The following KALRN variants were observed in gnomAD, a reference collection of about 807,000 sequenced individuals.
The protein encoded by KALRN is kalirin.
In KALRN, 70 loss-of-function variants were observed where a neutral mutation model predicts 353.7. That is an observed-to-expected ratio of 0.20 (90% CI 0.16 to 0.24). The LOEUF (loss-of-function observed/expected upper bound fraction) is 0.24. KALRN is among the 10% of genes least tolerant of loss of function. KALRN has a pLI of 1.00. For synonymous variants in KALRN, 1,391 were observed against 1,434.8 expected (o/e 0.97, Z 0.69); for missense variants, 2,791 against 3,756.7 (o/e 0.74, Z 6.72).
At chr3:124,196,910 T>G (rs2075492266) in intron 1 of KALRN, among the ~76,000 whole-genome samples, 1 of 133,052 alleles carries the variant, frequency 7.5e-6, no homozygotes, top group African/African-American at 2.5e-5. Flanking sequence ...GCTATCATTA[T>G]GCTCATTTAC....
rs2063364302 is a variant in KALRN at position 124,722,068 on chromosome 3, G to A, written c.*2598G>A. On this transcript the variant is annotated 3_prime_UTR_variant, in exon 60 of 60. Coordinates refer to ENST00000682506, the MANE Select transcript of KALRN (RefSeq NM_001388419.1). ...CTTGGCAAGTTCTGTTCTGTCCACT[G>A]TGGATGACCTGAATCAAGATCCCCC... 6.6e-6 allele frequency: 1 copy of A among 152,386 alleles called. No homozygotes were observed. The highest frequency in any genetic ancestry group is 2.1e-4 in the South Asian group (1 of 4,836). 9.4% of individuals were successfully genotyped at this position (152,386 alleles called of 1,614,324 possible). A position where few individuals can be genotyped will look rare whatever the true frequency, so the allele number is the denominator to read the frequency against.
At chr3:124,368,466 C>T (rs1272779850) in intron 10 of KALRN, among the ~76,000 whole-genome samples, 3 of 148,882 alleles carry the variant, frequency 2.0e-5, no homozygotes, top group Non-Finnish European at 4.5e-5. Context: ...AGACGATGGG[C>T]GGCCGGGCAG....
chr3:124,503,225 C>G (rs1332370482), intron 33 of KALRN, among the ~76,000 whole-genome samples: 1 of 152,176 alleles, frequency 6.6e-6, no homozygotes, highest in Non-Finnish European at 1.5e-5. Flanking sequence ...TATATAATTG[C>G]ACTTCCTGTT....
At chr3:124,058,396 C>T (rs2041735348) in intron 1 of KALRN, among the ~76,000 whole-genome samples, 1 of 152,106 alleles carries the variant, frequency 6.6e-6, no homozygotes, top group South Asian at 2.1e-4. Context: ...GGGATGAGTT[C>T]ACTCATTTTG....
At chr3:124,710,230 CTG>C (rs1223245354) in intron 57 of KALRN, among the ~76,000 whole-genome samples, 1 of 152,174 alleles carries the variant, frequency 6.6e-6, no homozygotes. Context: ...AGAGGCTCAA[CTG>C]TGAATAGCAT....
At chr3:124,100,048 C>T (rs2061736365) in intron 1 of KALRN, among the ~76,000 whole-genome samples, 1 of 152,102 alleles carries the variant, frequency 6.6e-6, no homozygotes, top group Non-Finnish European at 1.5e-5. Context: ...CCTGTAATCC[C>T]AGCTACTCAG....
chr3:124,422,163 T>C (rs2092811060), intron 14 of KALRN, among the ~76,000 whole-genome samples: 1 of 152,216 alleles, frequency 6.6e-6, no homozygotes, highest in Non-Finnish European at 1.5e-5. Flanking sequence ...TTGTATTTAT[T>C]AGGTGTGTTT....
intron 1 of KALRN, among the ~76,000 whole-genome samples, chr3:124,141,125 G>C (rs530200973): frequency 6.6e-6 from 1 of 152,046 alleles, no homozygotes; most frequent in Non-Finnish European, 1.5e-5. Flanking sequence ...CCAGGGAACC[G>C]GTCCTTCCTG....
chr3:124,259,577 A>G (rs902389499), intron 3 of KALRN, among the ~76,000 whole-genome samples: 1 of 152,156 alleles, frequency 6.6e-6, no homozygotes, highest in Non-Finnish European at 1.5e-5. Context: ...ACAGTAAGTA[A>G]ATGATGGGGC....
chr3:124,362,001 C>T (rs146305600), intron 10 of KALRN, among the ~76,000 whole-genome samples: 63 of 152,224 alleles, frequency 4.1e-4, no homozygotes, highest in Non-Finnish European at 7.4e-4. Context: ...TTCCAGCCCC[C>T]CTGAGACCTC....
At chr3:124,659,144 A>G (rs554760999) in intron 42 of KALRN, among the ~76,000 whole-genome samples, 66 of 152,032 alleles carry the variant, frequency 4.3e-4, no homozygotes, top group African/African-American at 1.5e-3. Flanking sequence ...TACTCACTGT[A>G]AAAGCATGGG....
At chr3:124,646,515 C>G (rs1472532173) in intron 37 of KALRN, among the ~76,000 whole-genome samples, 1 of 150,802 alleles carries the variant, frequency 6.6e-6, no homozygotes, top group Non-Finnish European at 1.5e-5. Flanking sequence ...CTCAGCCTCC[C>G]GAGTAGCTGG....
chr3:124,098,958 C>A (rs2061645903), intron 1 of KALRN, among the ~76,000 whole-genome samples: 1 of 152,198 alleles, frequency 6.6e-6, no homozygotes, highest in African/African-American at 2.4e-5. Context: ...AATTAGGCTT[C>A]TAATTTCTTC....
chr3:124,033,551 C>T lies in KALRN; in HGVS notation c.-190C>T, dbSNP rs1328012839. On this transcript the variant is annotated 5_prime_UTR_variant, in exon 1 of 60. Transcript: ENST00000682506. This position sits in a 1 kb window ranked among gnomAD's most constrained non-coding sequence, Gnocchi z 6.2. ...CAGGCACCCCCAGCCCGCCGCGCGC[C>T]TCCGCCTGAGGGAGGCTCAGCGTCC... Among the ~76,000 whole-genome samples, 4 of 151,700 alleles carry T rather than the reference C, an allele frequency of 2.6e-5. No homozygotes were observed. Among genetic ancestry groups the T allele is most frequent in the African/African-American group, 9.7e-5 (4 of 41,376 alleles).
chr3:124,106,618 A>G (rs1559964699), intron 1 of KALRN, among the ~76,000 whole-genome samples: 1 of 152,178 alleles, frequency 6.6e-6, no homozygotes, highest in African/African-American at 2.4e-5. Context: ...GCCTTGGAGA[A>G]GACTGTGGAG....
chr3:124,510,209 G>A (rs1433284484), intron 33 of KALRN, among the ~76,000 whole-genome samples: 1 of 152,202 alleles, frequency 6.6e-6, no homozygotes, highest in African/African-American at 2.4e-5. Context: ...TCCAGTTTGG[G>A]AAGATCAGAG....
At chr3:124,044,843 C>G (rs765266220) in intron 1 of KALRN, among the ~76,000 whole-genome samples, 5 of 49,028 alleles carry the variant, frequency 1.0e-4, no homozygotes, top group Admixed American at 4.1e-4. Context: ...CCCTCCCTCC[C>G]TCCCTCCCTC....
intron 1 of KALRN, among the ~76,000 whole-genome samples, chr3:124,143,760 G>T (rs1254901398): frequency 6.6e-6 from 1 of 152,076 alleles, no homozygotes; most frequent in African/African-American, 2.4e-5. Context: ...TAACAATTTT[G>T]GTGTCCTAAA....
intron 10 of KALRN, among the ~76,000 whole-genome samples, chr3:124,367,483 C>T (rs1284865100): frequency 9.3e-6 from 1 of 107,004 alleles, no homozygotes; most frequent in Non-Finnish European, 1.9e-5. Context: ...ACCTCCCTCC[C>T]GGACGGGGCA....
Sources: allele counts gnomAD v4.1 joint callset (sites outside exome capture counted in the v4.1 genomes callset), GRCh38; gene constraint gnomAD v4.1.1; non-coding constraint Gnocchi (gnomAD v3.1); transcripts MANE v1.5; gene names NCBI Gene and HGNC (gene_info 2026-07-23, HGNC 2026-07-21).